FGFRL1: variants seen among roughly 807,000 people sequenced by gnomAD.
FGFRL1 encodes fibroblast growth factor receptor-like 1.
FGFRL1 carries 24 observed loss-of-function variants against 36.8 expected under a neutral mutation model. That is an observed-to-expected ratio of 0.65 (90% CI 0.47 to 0.92). The LOEUF (loss-of-function observed/expected upper bound fraction) is 0.92. Ranked by LOEUF, FGFRL1 falls within the 40% of genes least tolerant of loss-of-function variation. The pLI is 0.00. For missense variants in FGFRL1, 785 were observed against 753.4 expected (o/e 1.04, Z -0.49); for synonymous variants, 422 against 344.1 (o/e 1.23, Z -2.50).
At chr4:1,022,089 C>G (rs1010232047) in intron 2 of FGFRL1, 114 bp from the exon 3 acceptor site, 2 of 801,178 alleles carry the variant, frequency 2.5e-6, no homozygotes, top group Non-Finnish European at 3.8e-6. Context: ...GCAGGTGACC[C>G]AGGTGGAGCT....
chr4:1,019,472 G>T (rs1716062383), intron 2 of FGFRL1, among the ~76,000 whole-genome samples: 1 of 152,240 alleles, frequency 6.6e-6, no homozygotes, highest in African/African-American at 2.4e-5. Context: ...GTCCCGGGAG[G>T]CCCTGTGGGT....
chr4:1,013,566 T>C (rs1248426269), intron 2 of FGFRL1, among the ~76,000 whole-genome samples: 1 of 152,236 alleles, frequency 6.6e-6, no homozygotes. Context: ...TGGGCCTGGC[T>C]GAGCGGCTGC....
intron 2 of FGFRL1, among the ~76,000 whole-genome samples, chr4:1,013,413 G>A (rs1030025427): frequency 2.6e-5 from 4 of 152,258 alleles, no homozygotes; most frequent in African/African-American, 9.6e-5. Context: ...CCAGTCCTGA[G>A]GCTTCGCACC....
chr4:1,025,773 C>G lies in FGFRL1; in HGVS notation c.*426C>G, dbSNP rs1257660126. On this transcript the variant is annotated 3_prime_UTR_variant, in exon 7 of 7. Transcript: ENST00000510644. ...TATGCTGTCTGGACGCACACACGTG[C>G]AGATATGGTATCCGGACACACACGT... The G allele has an allele frequency of 2.8e-5, 7 of 246,958 alleles. No individual in the cohort carries two copies. Among genetic ancestry groups the G allele is most frequent in the Admixed American group, 2.1e-4 (4 of 18,962 alleles). The allele number at this position is 246,958 out of a possible 1,614,324, so 15.3% of individuals were successfully genotyped here.
At chr4:1,010,837 C>T (rs1715541733), upstream of FGFRL1, 1 of 152,256 alleles carries the variant, frequency 6.6e-6, no homozygotes, top group South Asian at 2.1e-4. Flanking sequence ...TTCATCTGCT[C>T]CTGGGGCCGC....
Position 1,024,042 on chromosome 4 carries a change from C to G in FGFRL1, c.659C>G (p.Thr220Ser). 1 of 1,607,292 alleles carries G rather than the reference C, an allele frequency of 6.2e-7. No individual in the cohort carries two copies. Among genetic ancestry groups the G allele is most frequent in the Non-Finnish European group, 8.5e-7 (1 of 1,178,666 alleles). Reference protein sequence around the residue: ...NLRPEDSGKYTCRVSNRAGAI... With the variant: ...NLRPEDSGKYSCRVSNRAGAI... ...CGGCCGGAGGACAGCGGCAAATACA[C>G]CTGCCGCGTGTCGAACCGCGCGGGC... is the stretch of plus-strand genomic sequence containing the variant. Residue 220 changes from threonine to serine, a missense_variant, in exon 5 of 7, where the codon ACC (threonine) becomes AGC (serine). By Grantham distance (58) the Thr-to-Ser change is moderately conservative. Coordinates refer to ENST00000510644, the MANE Select transcript of FGFRL1 (RefSeq NM_001004356.3).
Position 1,025,301 on chromosome 4 carries a change from C to G in FGFRL1, c.1469C>G (p.Ser490Ter). 6.4e-7 allele frequency: 1 copy of G among 1,571,314 alleles called. No individual in the cohort carries two copies. The highest frequency in any genetic ancestry group is 8.6e-7 in the Non-Finnish European group (1 of 1,157,728). Residue 490 changes from serine (S) to a stop codon, truncating the protein, a stop_gained, in exon 7 of 7, where the codon TCA becomes TGA. Transcript: ENST00000510644. LOFTEE classifies it high-confidence loss of function. ...ACACACACACACTCTCACACACACTCACACGTGGAGGGCAAGGTCCACCAG... is the reference window on the plus strand; with the variant it reads ...ACACACACACACTCTCACACACACTGACACGTGGAGGGCAAGGTCCACCAG... ...THTHTHSHTH[S>*]HVEGKVHQHI...
Position 1,024,476 on chromosome 4 carries a change from C to G in FGFRL1, c.884C>G (p.Thr295Ser). The G allele has an allele frequency of 1.9e-6, 3 of 1,612,552 alleles. No homozygotes were observed. Among genetic ancestry groups the G allele is most frequent in the Non-Finnish European group, 2.5e-6 (3 of 1,179,840 alleles). Residue 295 changes from threonine (T) to serine (S), a missense_variant, in exon 6 of 7, where the codon ACC becomes AGC. Thr to Ser is a moderately conservative substitution (Grantham distance 58, BLOSUM62 1). Transcript: ENST00000510644. ...EYGAEGRHNS[T>S]IDVGGQKFVV... The stretch of plus-strand genomic sequence containing the variant: ...GGCGCCGAGGGCCGCCACAACTCCA[C>G]CATCGATGTGGGCGGCCAGAAGTTT...
intron 2 of FGFRL1, among the ~76,000 whole-genome samples, chr4:1,017,714 C>T (rs1001751865): frequency 6.6e-5 from 10 of 152,196 alleles, no homozygotes; most frequent in East Asian, 1.9e-4. Context: ...TGACGCTGCA[C>T]GTGTGTCCCT....
Position 1,012,512 on chromosome 4 carries a change from C to T in FGFRL1, c.27C>T (p.Leu9=), listed in dbSNP as rs1715648638. Residue 9 remains leucine, a synonymous_variant, in exon 2 of 7, where the codon CTC becomes CTT. Coordinates refer to ENST00000510644, the MANE Select transcript of FGFRL1 (RefSeq NM_001004356.3). ...TGACGCCGAGCCCCCTGTTGCTGCT[C>T]CTGCTGCCGCCGCTGCTGCTGGGGG... MTPSPLLL[L]LLPPLLLGAF... 4 of 1,556,582 alleles carry T rather than the reference C, an allele frequency of 2.6e-6. 1 individual carries two copies. The highest frequency in any genetic ancestry group is 3.5e-6 in the Non-Finnish European group (4 of 1,156,932).
At position 1,024,373 on chromosome 4, in the gene FGFRL1, G is replaced by T. The variant is rs776162191; in HGVS notation, c.781G>T (p.Gly261Trp). ...CCCCGTGAACACGACGGTGGACTTCGGGGGGACCACGTCCTTCCAGTGCAA... is the reference window on the plus strand; with the variant it reads ...CCCCGTGAACACGACGGTGGACTTCTGGGGGACCACGTCCTTCCAGTGCAA... The part of the protein sequence containing the change: ...THPVNTTVDF[G>W]GTTSFQCKVR... The change falls in exon 6 of 7, where the codon GGG becomes TGG. Residue 261 changes from glycine (G) to tryptophan (W), a missense_variant. By Grantham distance (184) the Gly-to-Trp change is radical. Transcript: ENST00000510644. The T allele has an allele frequency of 7.4e-6, 12 of 1,612,218 alleles. No homozygotes were observed. The highest frequency in any genetic ancestry group is 1.3e-5 in the African/African-American group (1 of 74,916).
chr4:1,024,536 C>A lies in FGFRL1; in HGVS notation c.944C>A (p.Pro315His), dbSNP rs756949305. 1.4e-5 allele frequency: 23 copies of A among 1,612,392 alleles called. No homozygotes were observed. Among genetic ancestry groups the A allele is most frequent in the Non-Finnish European group, 1.9e-5 (23 of 1,179,882 alleles). The stretch of plus-strand genomic sequence containing the variant: ...CCCACGGGTGACGTGTGGTCGCGGC[C>A]CGACGGCTCCTACCTCAATAAGCTG... ...VLPTGDVWSRPDGSYLNKLLI... is the reference protein window; with the variant it reads ...VLPTGDVWSRHDGSYLNKLLI... The change falls in exon 6 of 7, where the codon CCC (proline) becomes CAC (histidine). Residue 315 changes from proline (P) to histidine (H), a missense_variant. Pro to His is a moderately conservative substitution (Grantham distance 77). Coordinates refer to ENST00000510644, the MANE Select transcript of FGFRL1 (RefSeq NM_001004356.3).
rs757336835 is a variant in FGFRL1, at chr4:1,022,443, G to A, written c.320G>A (p.Ser107Asn). 1 of 1,609,286 alleles carries A rather than the reference G, an allele frequency of 6.2e-7. No individual in the cohort carries two copies. Residue 107 changes from serine (S) to asparagine (N), a missense_variant, in exon 3 of 7, where the codon AGC becomes AAC. Coordinates refer to ENST00000510644, the MANE Select transcript of FGFRL1 (RefSeq NM_001004356.3). ...YVCKATNGFG[S>N]LSVNYTLVVL... ...TGCAAGGCCACCAACGGCTTCGGCA[G>A]CCTGAGCGTCAACTACACCCTCGTC...
rs1387516442 is a variant in FGFRL1, at chr4:1,022,495, A to G, written c.352+20A>G. On this transcript the variant is annotated intron_variant, in intron 3 of 6. Transcript: ENST00000510644. ...TGCTGGGTTAGTCGCTGCTGCGGTC[A>G]GAGGTCATGGGCTGGGTTGGAGCCA... The G allele has an allele frequency of 1.9e-6, 3 of 1,572,254 alleles. No homozygotes were observed. In the South Asian group the frequency reaches 3.5e-5, roughly 19 times the overall value.
chr4:1,025,177 G>A lies in FGFRL1; in HGVS notation c.1345G>A (p.Glu449Lys), dbSNP rs755794980. 19 of 1,610,468 alleles carry A rather than the reference G, an allele frequency of 1.2e-5. No individual in the cohort carries two copies. Among genetic ancestry groups the A allele is most frequent in the Non-Finnish European group, 8.5e-6 (10 of 1,179,014 alleles). Residue 449 changes from glutamate (E) to lysine (K), a missense_variant, in exon 7 of 7, where the codon GAG becomes AAG. Physicochemically the swap from Glu to Lys is moderately conservative, Grantham distance 56 (BLOSUM62 1). Coordinates refer to ENST00000510644, the MANE Select transcript of FGFRL1 (RefSeq NM_001004356.3). ...TGGCCCTGGTGTGGGGCTGTGTGAG[G>A]AGCATGGGTCTCCGGCAGCCCCCCA... The part of the protein sequence containing the change: ...SAGPGVGLCE[E>K]HGSPAAPQHL...
chr4:1,025,337 A>G lies in FGFRL1; in HGVS notation c.1505A>G (p.Tyr502Cys), dbSNP rs111608568. ...GGCAAGGTCCACCAGCACATCCACTATCAGTGCTAGACGGCACCGTATCTG... is the reference window on the plus strand; with the variant it reads ...GGCAAGGTCCACCAGCACATCCACTGTCAGTGCTAGACGGCACCGTATCTG... Reference protein sequence around the residue: ...VEGKVHQHIHYQC With the variant: ...VEGKVHQHIHCQC Residue 502 changes from tyrosine (Y) to cysteine (C), a missense_variant, in exon 7 of 7, where the codon TAT becomes TGT. By Grantham distance (194) the Tyr-to-Cys change is radical. Coordinates refer to ENST00000510644, the MANE Select transcript of FGFRL1 (RefSeq NM_001004356.3). 4.5e-6 allele frequency: 7 copies of G among 1,552,970 alleles called. No homozygotes were observed. Among genetic ancestry groups the G allele is most frequent in the South Asian group, 3.5e-5 (3 of 84,622 alleles).
intron 2 of FGFRL1, among the ~76,000 whole-genome samples, chr4:1,015,030 C>T (rs1375164678): frequency 1.3e-5 from 2 of 152,180 alleles, no homozygotes; most frequent in Non-Finnish European, 2.9e-5. Flanking sequence ...TTGGTTTTTC[C>T]CCAGTCGTGG....
Position 1,024,107 on chromosome 4 carries a change from T to A in FGFRL1, c.718+6T>A. On this transcript the variant is annotated splice_donor_region_variant and intron_variant, in intron 5 of 6. Transcript: ENST00000510644. ...CTACAAGGTGGATGTGATCCGTGAG[T>A]GTGGCCCCGGGCGCTGGCGGGCGGG... 6.5e-7 allele frequency: 1 copy of A among 1,539,040 alleles called. No homozygotes were observed. Among genetic ancestry groups the A allele is most frequent in the Non-Finnish European group, 8.7e-7 (1 of 1,143,890 alleles).
At chr4:1,019,858 G>A (rs926716337) in intron 2 of FGFRL1, among the ~76,000 whole-genome samples, 9 of 152,320 alleles carry the variant, frequency 5.9e-5, no homozygotes, top group Non-Finnish European at 8.8e-5. Context: ...GGGATGGGCC[G>A]GGTGAGCCAG....
Sources: gnomAD v4.1 joint callset for allele counts (sites outside exome capture counted in the v4.1 genomes callset) on GRCh38, gnomAD v4.1.1 for gene constraint, MANE v1.5 for transcripts, NCBI Gene and HGNC (gene_info 2026-07-23, HGNC 2026-07-21) for gene names.